PCDHGA1: variants seen among roughly 807,000 people sequenced by gnomAD.
PCDHGA1 encodes protocadherin gamma subfamily A, 1.
Under a neutral mutation model 58.0 loss-of-function variants are expected in PCDHGA1, and 32 were observed. That is an observed-to-expected ratio of 0.55 (90% CI 0.42 to 0.74). The LOEUF (loss-of-function observed/expected upper bound fraction) is 0.74. PCDHGA1 is among the 30% of genes least tolerant of loss of function. The pLI is 0.00. For missense variants in PCDHGA1, 1,205 were observed against 1,182.3 expected, an observed-to-expected ratio of 1.02 and a Z score of -0.28; for synonymous variants, 498 against 501.1, an observed-to-expected ratio of 0.99 and a Z score of 0.08.
Position 141,344,443 on chromosome 5 carries a change from A to G in PCDHGA1, c.2421+11338A>G. ...AATGCTCCTAATTTCCCAACAGAGG[A>G]ATTGGAAATAAAAATTGGTGAACTA... is the stretch of plus-strand genomic sequence containing the variant. On this transcript the variant is annotated intron_variant, in intron 1 of 3. Transcript: ENST00000517417. 3 of 1,613,686 alleles carry G rather than the reference A, an allele frequency of 1.9e-6. No homozygotes were observed. The highest frequency in any genetic ancestry group is 2.5e-6 in the Non-Finnish European group (3 of 1,179,742).
rs762662380 is a variant in PCDHGA1, at chr5:141,419,561, G to A, written c.2422-75246G>A. 9 of 1,611,728 alleles carry A rather than the reference G, an allele frequency of 5.6e-6. No individual in the cohort carries two copies. The Admixed American group carries it at 1.2e-4, about 21-fold the overall frequency. The stretch of plus-strand genomic sequence containing the variant: ...ACCGCGGGTGCTGTACCCTGCGCTG[G>A]GTCCCGACGGCTCCGCGCTCTTCGA... On this transcript the variant is annotated intron_variant, in intron 1 of 3. Coordinates refer to ENST00000517417, the MANE Select transcript of PCDHGA1 (RefSeq NM_018912.3).
chr5:141,418,360 G>A (rs544948410), intron 1 of PCDHGA1: 3 of 1,613,990 alleles, frequency 1.9e-6, no homozygotes, highest in Non-Finnish European at 2.5e-6. Context: ...TGAATTCGCT[G>A]AGCAAATACC....
At position 141,402,884 on chromosome 5, in the gene PCDHGA1, T is replaced by C. The variant is rs73792196; in HGVS notation, c.2421+69779T>C. Reference sequence around the variant, plus strand: ...GAAAAGATCACCATACTTTGCAGGGTGGAAGAAAGAACCTGATGAAGCAGC... The same window carrying C: ...GAAAAGATCACCATACTTTGCAGGGCGGAAGAAAGAACCTGATGAAGCAGC... On this transcript the variant is annotated intron_variant, in intron 1 of 3. Transcript: ENST00000517417. The C allele has an allele frequency of 1.4e-3, 2,074 of 1,481,580 alleles. 26 individuals carry two copies. The African/African-American group carries it at 0.026, about 18-fold the overall frequency. The allele number at this position is 1,481,580 out of a possible 1,614,324, so 91.8% of individuals were successfully genotyped here.
chr5:141,360,762 A>G (rs917082893), intron 1 of PCDHGA1: 1 of 1,613,952 alleles, frequency 6.2e-7, no homozygotes, highest in Non-Finnish European at 8.5e-7. Context: ...GTTTACATCA[A>G]TTGGTCCTCA....
chr5:141,452,002 T>C (rs965343762), intron 1 of PCDHGA1, among the ~76,000 whole-genome samples: 1 of 152,220 alleles, frequency 6.6e-6, no homozygotes, highest in African/African-American at 2.4e-5. Context: ...GCAAAATCAC[T>C]TGGTCCAGCC....
At chr5:141,417,772 C>A (rs2240701) in intron 1 of PCDHGA1, 340,590 of 1,455,726 alleles carry the variant, frequency 0.23, 43,476 homozygotes, top group African/African-American at 0.5. Flanking sequence ...GGGACTCCTC[C>A]TGTCCTGGGC....
At chr5:141,361,241 T>TA in intron 1 of PCDHGA1, 1 of 1,613,960 alleles carries the variant, frequency 6.2e-7, no homozygotes, top group South Asian at 1.1e-5. Context: ...ATCGCCTTGA[T>TA]AAAAACGAGA....
chr5:141,380,233 G>A (rs1035611474), intron 1 of PCDHGA1, among the ~76,000 whole-genome samples: 49 of 152,114 alleles, frequency 3.2e-4, no homozygotes, highest in Non-Finnish European at 7.1e-4. Context: ...GGCTTCTGTT[G>A]AGGTGGCAAT....
At chr5:141,360,116 G>A in intron 1 of PCDHGA1, 1 of 1,570,542 alleles carries the variant, frequency 6.4e-7, no homozygotes, top group South Asian at 1.2e-5. Flanking sequence ...TATGGGCAAA[G>A]GAGCAAAGGG....
At chr5:141,384,386 T>C in intron 1 of PCDHGA1, 1 of 1,613,954 alleles carries the variant, frequency 6.2e-7, no homozygotes, top group Non-Finnish European at 8.5e-7. Flanking sequence ...GAAGACACCA[T>C]CCAGGGGGCT....
chr5:141,475,213 G>C (rs1359120020), intron 1 of PCDHGA1, among the ~76,000 whole-genome samples: 2 of 152,170 alleles, frequency 1.3e-5, no homozygotes, highest in African/African-American at 4.8e-5. Context: ...GAAAAGGATT[G>C]ATCAAGTAAA....
chr5:141,404,630 C>T (rs1391155615), intron 1 of PCDHGA1: 1 of 1,614,154 alleles, frequency 6.2e-7, no homozygotes, highest in Admixed American at 1.7e-5. Flanking sequence ...TGACAATGCC[C>T]CAGAAATCCT....
At chr5:141,362,060 T>C (rs764020676) in intron 1 of PCDHGA1, 9 of 1,612,216 alleles carry the variant, frequency 5.6e-6, no homozygotes, top group Non-Finnish European at 7.6e-6. Flanking sequence ...CGCCAGCGCC[T>C]GCTGGTCGCT....
chr5:141,487,258 G>A lies in PCDHGA1; in HGVS notation c.2422-7549G>A, dbSNP rs368598017. The A allele has an allele frequency of 3.7e-6, 6 of 1,614,026 alleles. No homozygotes were observed. Among genetic ancestry groups the A allele is most frequent in the Non-Finnish European group, 4.2e-6 (5 of 1,180,030 alleles). On this transcript the variant is annotated intron_variant, in intron 1 of 3. Transcript: ENST00000517417. The surrounding 1 kb of genome is among the most constrained non-coding windows in gnomAD (Gnocchi z 5.0). ...CTCGTCTAACCCTCTACTTGGCTGT[G>A]TCCCTAGTGGCAATTTGCTTTGTCT...
At chr5:141,390,163 C>T (rs376391116) in intron 1 of PCDHGA1, 27 of 1,613,874 alleles carry the variant, frequency 1.7e-5, no homozygotes, top group African/African-American at 2.7e-5. Flanking sequence ...ACAGGAAAGA[C>T]GGAGTTTAAT....
chr5:141,381,693 G>A (rs1777359039), intron 1 of PCDHGA1, among the ~76,000 whole-genome samples: 1 of 152,096 alleles, frequency 6.6e-6, no homozygotes, highest in African/African-American at 2.4e-5. Context: ...GACAAACAAC[G>A]ATTTCTTTCT....
intron 1 of PCDHGA1, chr5:141,430,753 G>C (rs1175014357): frequency 6.6e-7 from 1 of 1,504,258 alleles, no homozygotes. Context: ...TCTGGAGGAA[G>C]ATAAGAATGA....
At chr5:141,459,831 G>A (rs907978430) in intron 1 of PCDHGA1, among the ~76,000 whole-genome samples, 1 of 152,150 alleles carries the variant, frequency 6.6e-6, no homozygotes, top group Admixed American at 6.6e-5. Context: ...CTTTTCATGT[G>A]TTGTCTATTT....
chr5:141,419,660 A>C (rs759082983), intron 1 of PCDHGA1: 1 of 1,612,798 alleles, frequency 6.2e-7, no homozygotes, highest in Admixed American at 1.7e-5. Context: ...CTCGGGGCAC[A>C]ATGCCTGGCT....
Sources: gnomAD v4.1 joint callset for allele counts (sites outside exome capture counted in the v4.1 genomes callset) on GRCh38, gnomAD v4.1.1 for gene constraint, Gnocchi (gnomAD v3.1) non-coding constraint, MANE v1.5 for transcripts, NCBI Gene and HGNC (gene_info 2026-07-23, HGNC 2026-07-21) for gene names.